MTMR6: variants seen among roughly 807,000 people sequenced by gnomAD.
The protein encoded by MTMR6 is phosphatidylinositol-3,5-bisphosphate 3-phosphatase MTMR6.
MTMR6 carries 47 observed loss-of-function variants against 80.1 expected under a neutral mutation model. That is an observed-to-expected ratio of 0.59 (90% CI 0.46 to 0.75). The LOEUF (loss-of-function observed/expected upper bound fraction) is 0.75. Ranked by LOEUF, MTMR6 falls within the 30% of genes least tolerant of loss-of-function variation. The probability of loss-of-function intolerance (pLI) is 0.00; values close to 1 mark genes in which losing one functional copy is unlikely to be tolerated. For synonymous variants in MTMR6, 254 were observed against 253.0 expected (o/e 1.00, Z -0.04); for missense variants, 629 against 730.9 (o/e 0.86, Z 1.61).
intron 1 of MTMR6, among the ~76,000 whole-genome samples, chr13:25,281,313 G>C (rs556030252): frequency 6.6e-6 from 1 of 151,626 alleles, no homozygotes; most frequent in African/African-American, 2.4e-5. Context: ...CTCCAGCCTA[G>C]GTGACAGAGC....
chr13:25,265,734 A>C, intron 5 of MTMR6, 85 bp downstream of exon 5: 1 of 1,263,960 alleles, frequency 7.9e-7, no homozygotes, highest in Non-Finnish European at 1.1e-6. Context: ...CCTATCTCAA[A>C]AAAAAAAAAA....
chr13:25,279,576 C>A lies in MTMR6; in HGVS notation c.25-5389G>T, dbSNP rs59863231. 6.1e-3 allele frequency among the ~76,000 whole-genome samples: 929 copies of A among 152,232 alleles called. 11 individuals carry two copies. The highest frequency in any genetic ancestry group is 0.021 in the African/African-American group (857 of 41,530). ...TTGCAAAACTACTGTAGTTAGTAATCTAGTCAAGTAGGTAGAGCCCTGACA... is the reference window on the plus strand; with the variant it reads ...TTGCAAAACTACTGTAGTTAGTAATATAGTCAAGTAGGTAGAGCCCTGACA... On this transcript the variant is annotated intron_variant, in intron 1 of 13. Coordinates refer to ENST00000381801, the MANE Select transcript of MTMR6 (RefSeq NM_004685.5).
At chr13:25,268,418 T>C (rs2137578075) in intron 2 of MTMR6, among the ~76,000 whole-genome samples, 1 of 152,288 alleles carries the variant, frequency 6.6e-6, no homozygotes, top group East Asian at 1.9e-4. Flanking sequence ...ACTGACTATG[T>C]TCTAGTGACA....
Position 25,258,588 on chromosome 13 carries a change from C to T in MTMR6, c.831G>A (p.Met277Ile). Residue 277 changes from methionine to isoleucine, a missense_variant, in exon 7 of 14, where the codon ATG becomes ATA. Coordinates refer to ENST00000381801, the MANE Select transcript of MTMR6 (RefSeq NM_004685.5). ...CCAATAATTTCTGAAGGCTGGACCT[C>T]ATGACATGAATATTTTCAATTCCAA... The part of the protein sequence containing the change: ...QFVGIENIHV[M>I]RSSLQKLLEV... The T allele has an allele frequency of 6.3e-7, 1 of 1,595,538 alleles. No homozygotes were observed.
At chr13:25,265,433 C>A (rs1319675628) in intron 5 of MTMR6, among the ~76,000 whole-genome samples, 1 of 152,266 alleles carries the variant, frequency 6.6e-6, no homozygotes, top group African/African-American at 2.4e-5. Context: ...CATTAGCAAT[C>A]TTTTAATGTA....
chr13:25,257,875 G>A, intron 7 of MTMR6, 30 bp from the exon 8 acceptor site: 2 of 1,478,200 alleles, frequency 1.4e-6, no homozygotes, highest in Non-Finnish European at 1.9e-6. Flanking sequence ...ATTTCAATTA[G>A]AATATGGCTA....
At chr13:25,284,104 C>T (rs2137644231) in intron 1 of MTMR6, among the ~76,000 whole-genome samples, 1 of 152,202 alleles carries the variant, frequency 6.6e-6, no homozygotes, top group South Asian at 2.1e-4. Flanking sequence ...TATTTAAAAA[C>T]AATACCGCAT....
chr13:25,272,104 G>A (rs936770526), intron 2 of MTMR6, among the ~76,000 whole-genome samples: 4 of 152,272 alleles, frequency 2.6e-5, no homozygotes, highest in East Asian at 1.9e-4. Flanking sequence ...GGCGCCGGTC[G>A]TCTATACGAA....
At position 25,246,326 on chromosome 13, in the gene MTMR6, A is replaced by G. The variant is rs1956978555; in HGVS notation, c.*2906T>C. The G allele has an allele frequency of 6.6e-6, 1 of 152,632 alleles. No homozygotes were observed. Among genetic ancestry groups the G allele is most frequent in the African/African-American group, 2.4e-5 (1 of 41,460 alleles). The allele number at this position is 152,632 out of a possible 1,614,324, so 9.5% of individuals were successfully genotyped here. On this transcript the variant is annotated 3_prime_UTR_variant, in exon 14 of 14. Transcript: ENST00000381801. ...TACTTTTTTTTGAGATAATTATTCTAGATTCCAGGCTTTCTTCTAGATGTA... is the reference window on the plus strand; with the variant it reads ...TACTTTTTTTTGAGATAATTATTCTGGATTCCAGGCTTTCTTCTAGATGTA...
chr13:25,274,979 C>CACACACAT (rs1555250678), intron 1 of MTMR6, among the ~76,000 whole-genome samples: 65 of 145,986 alleles, frequency 4.5e-4, no homozygotes, highest in African/African-American at 1.6e-3. Flanking sequence ...CACACACACA[C>CACACACAT]ACACACACAC....
intron 7 of MTMR6, 76 bp downstream of exon 7, chr13:25,258,484 A>T (rs1957263018): frequency 7.6e-7 from 1 of 1,316,734 alleles, no homozygotes. Context: ...TGACCACTGG[A>T]AAATTCTAAA....
intron 1 of MTMR6, among the ~76,000 whole-genome samples, chr13:25,285,998 C>T (rs1470794559): frequency 6.6e-6 from 1 of 152,072 alleles, no homozygotes; most frequent in East Asian, 1.9e-4. Flanking sequence ...TCCTCTTTTC[C>T]TCTGTGCACC....
In MTMR6 at chr13:25,266,263, A is replaced by C; in HGVS notation, c.328T>G (p.Phe110Val). 6.2e-7 allele frequency: 1 copy of C among 1,612,450 alleles called. No homozygotes were observed. The highest frequency in any genetic ancestry group is 8.5e-7 in the Non-Finnish European group (1 of 1,178,522). Residue 110 changes from phenylalanine to valine, a missense_variant, in exon 4 of 14, where the codon TTT becomes GTT. By Grantham distance (50) the Phe-to-Val change is conservative (BLOSUM62 -1). Transcript: ENST00000381801. ...KQAKYEDLYAFSYNPKQNDSE... is the reference protein window; with the variant it reads ...KQAKYEDLYAVSYNPKQNDSE... ...TCATTTTGTTTGGGATTATAAGAAAATGCATAGAGATCTTCATATTTTGCT... is the reference window on the plus strand; with the variant it reads ...TCATTTTGTTTGGGATTATAAGAAACTGCATAGAGATCTTCATATTTTGCT...
Position 25,287,423 on chromosome 13 carries a change from C to T in MTMR6, c.-176G>A, listed in dbSNP as rs1018181097. ...AGGTGCAGCCGGTGAGCGCCGTCTC[C>T]TAGAAACACTTCCCCAAACCCCGCG... On this transcript the variant is annotated 5_prime_UTR_variant, in exon 1 of 14. Transcript: ENST00000381801. 3 of 773,826 alleles carry T rather than the reference C, an allele frequency of 3.9e-6. No individual in the cohort carries two copies. Among genetic ancestry groups the T allele is most frequent in the Non-Finnish European group, 6.3e-6 (3 of 472,506 alleles). The allele number at this position is 773,826 out of a possible 1,614,324, so 47.9% of individuals were successfully genotyped here.
chr13:25,252,157 T>C (rs1957103361), intron 11 of MTMR6, among the ~76,000 whole-genome samples, 173 bp from the exon 12 acceptor site: 1 of 152,250 alleles, frequency 6.6e-6, no homozygotes, highest in Non-Finnish European at 1.5e-5. Flanking sequence ...TATTCTCCTT[T>C]TTCATTCATA....
intron 6 of MTMR6, chr13:25,260,530 T>G: frequency 1.1e-6 from 1 of 928,206 alleles, no homozygotes; most frequent in Non-Finnish European, 1.4e-6. Context: ...GACCATTCCT[T>G]TCACAAAGCT....
chr13:25,273,771 C>A (rs527500413), intron 2 of MTMR6, among the ~76,000 whole-genome samples: 2 of 152,210 alleles, frequency 1.3e-5, no homozygotes, highest in African/African-American at 4.8e-5. Flanking sequence ...GTGATCCACC[C>A]ACCTCGGCCT....
At chr13:25,259,532 T>A (rs1436915689) in intron 6 of MTMR6, among the ~76,000 whole-genome samples, 1 of 152,250 alleles carries the variant, frequency 6.6e-6, no homozygotes, top group Non-Finnish European at 1.5e-5. Flanking sequence ...TCCTACTGAC[T>A]CACTAGTTAT....
chr13:25,264,341 A>C (rs1486663843), intron 5 of MTMR6, among the ~76,000 whole-genome samples: 1 of 152,172 alleles, frequency 6.6e-6, no homozygotes, highest in African/African-American at 2.4e-5. Flanking sequence ...TTGTCAACTA[A>C]TAAATAAAAA....
Sources: allele counts gnomAD v4.1 joint callset (sites outside exome capture counted in the v4.1 genomes callset), GRCh38; gene constraint gnomAD v4.1.1; transcripts MANE v1.5; gene names NCBI Gene and HGNC (gene_info 2026-07-23, HGNC 2026-07-21).